The following LRP11 variants were observed in gnomAD, a reference collection of about 807,000 sequenced individuals.
The protein encoded by LRP11 is low-density lipoprotein receptor-related protein 11.
A neutral mutation model predicts 43.1 loss-of-function variants in LRP11; 25 were observed. The observed-to-expected ratio is 0.58, with a 90% CI of 0.42 to 0.81. The LOEUF (loss-of-function observed/expected upper bound fraction) is 0.81. Among genes scored for constraint, LRP11 ranks in the 30% least tolerant of loss-of-function variants. The pLI, the probability that LRP11 is intolerant of heterozygous loss-of-function variation, is 0.00. For missense variants in LRP11, 623 were observed against 665.1 expected (o/e 0.94, Z 0.70); for synonymous variants, 316 against 299.4 (o/e 1.06, Z -0.57).
chr6:149,839,438 C>T (rs757800479), intron 3 of LRP11, among the ~76,000 whole-genome samples: 4 of 152,032 alleles, frequency 2.6e-5, no homozygotes, highest in Non-Finnish European at 5.9e-5. Flanking sequence ...GTGGGGGACA[C>T]GCTGGATATC....
intron 2 of LRP11, among the ~76,000 whole-genome samples, chr6:149,848,847 A>G (rs1776678918): frequency 6.6e-6 from 1 of 152,236 alleles, no homozygotes; most frequent in African/African-American, 2.4e-5. Context: ...AAGTTTATCT[A>G]TATAACAAAC....
intron 5 of LRP11, among the ~76,000 whole-genome samples, chr6:149,831,998 TG>T (rs1472174862): frequency 6.6e-6 from 1 of 152,156 alleles, no homozygotes; most frequent in African/African-American, 2.4e-5. Context: ...AACTGGCCTC[TG>T]GAAGGACGTA....
intron 5 of LRP11, among the ~76,000 whole-genome samples, chr6:149,833,002 G>A (rs887291028): frequency 1.3e-5 from 2 of 152,126 alleles, no homozygotes; most frequent in South Asian, 2.1e-4. Context: ...TAGAGACAGC[G>A]TTTCACCATG....
intron 2 of LRP11, among the ~76,000 whole-genome samples, chr6:149,851,395 CA>C (rs1204473885): frequency 6.6e-6 from 1 of 152,180 alleles, no homozygotes; most frequent in East Asian, 1.9e-4. Context: ...AAAATCCAGA[CA>C]AGGCAGGATA....
chr6:149,833,487 T>C (rs1328870071), intron 5 of LRP11, among the ~76,000 whole-genome samples: 5 of 152,176 alleles, frequency 3.3e-5, no homozygotes, highest in Non-Finnish European at 5.9e-5. Flanking sequence ...AAAATGCTCA[T>C]GAGTAAGAAA....
At chr6:149,859,812 T>TGGGGATA in intron 1 of LRP11, among the ~76,000 whole-genome samples, 1 of 152,190 alleles carries the variant, frequency 6.6e-6, no homozygotes, top group South Asian at 2.1e-4. Flanking sequence ...CCTTTCTTTG[T>TGGGGATA]GACCTCTTTA....
At chr6:149,821,614 C>T (rs924873730) in intron 6 of LRP11, among the ~76,000 whole-genome samples, 1 of 152,176 alleles carries the variant, frequency 6.6e-6, no homozygotes, top group Non-Finnish European at 1.5e-5. Context: ...GTAGAAGTAG[C>T]GAGGCTTGCA....
chr6:149,839,120 A>G (rs909056085), intron 3 of LRP11, among the ~76,000 whole-genome samples: 3 of 145,778 alleles, frequency 2.1e-5, no homozygotes, highest in East Asian at 2.0e-4. Flanking sequence ...GTCTTGAACT[A>G]CTGGACTCAA....
At chr6:149,860,893 G>A (rs1186843213) in intron 1 of LRP11, among the ~76,000 whole-genome samples, 1 of 152,140 alleles carries the variant, frequency 6.6e-6, no homozygotes, top group Non-Finnish European at 1.5e-5. Flanking sequence ...GCCAAGCCTT[G>A]TATACACTAG....
intron 4 of LRP11, among the ~76,000 whole-genome samples, chr6:149,836,943 A>T (rs568946723): frequency 6.6e-6 from 1 of 152,192 alleles, no homozygotes; most frequent in Non-Finnish European, 1.5e-5. Flanking sequence ...TCTTTCTTAC[A>T]GGGTGTTTCT....
chr6:149,855,356 T>TCCAGAAC (rs1369926695), intron 1 of LRP11, among the ~76,000 whole-genome samples: 2 of 152,262 alleles, frequency 1.3e-5, no homozygotes, highest in Middle Eastern at 3.4e-3. Flanking sequence ...CTAGAGACTT[T>TCCAGAAC]CCAGACCCCA....
At chr6:149,843,714 A>G (rs917204046) in intron 2 of LRP11, among the ~76,000 whole-genome samples, 3 of 152,054 alleles carry the variant, frequency 2.0e-5, no homozygotes, top group African/African-American at 4.8e-5. Context: ...AACAACAAAT[A>G]AAAAAAATTC....
At chr6:149,826,919 T>C (rs1452675305) in intron 5 of LRP11, among the ~76,000 whole-genome samples, 19 of 152,064 alleles carry the variant, frequency 1.2e-4, no homozygotes, top group Admixed American at 1.2e-3. Context: ...TTTAATGATA[T>C]ATTACTTAAC....
chr6:149,836,141 T>A lies in LRP11; in HGVS notation c.1196A>T (p.Lys399Met), dbSNP rs986469370. 1 of 1,614,128 alleles carries A rather than the reference T, an allele frequency of 6.2e-7. No homozygotes were observed. The highest frequency in any genetic ancestry group is 8.5e-7 in the Non-Finnish European group (1 of 1,180,012). Residue 399 changes from lysine (K) to methionine (M), a missense_variant, in exon 5 of 7, where the codon AAG becomes ATG. Physicochemically the swap from Lys to Met is moderately conservative, Grantham distance 95. Transcript: ENST00000239367. ...NKPPALSNTE[K>M]RNHSAFWGPE... is the part of the protein sequence containing the mutation. ...TCCCCAAAAGGCGGAATGATTCCTC[T>A]TCTCTGTGTTTGATAATGCAGGTGG...
At chr6:149,846,512 G>A (rs1442365162) in intron 2 of LRP11, among the ~76,000 whole-genome samples, 1 of 152,230 alleles carries the variant, frequency 6.6e-6, no homozygotes, top group Admixed American at 6.5e-5. Context: ...GCCATGGTAT[G>A]TGAGTGGAGG....
At chr6:149,829,000 A>G (rs1435336436) in intron 5 of LRP11, among the ~76,000 whole-genome samples, 4 of 152,204 alleles carry the variant, frequency 2.6e-5, no homozygotes, top group Non-Finnish European at 5.9e-5. Context: ...CTGTAGAGAT[A>G]TAAATCAGTG....
intron 5 of LRP11, among the ~76,000 whole-genome samples, chr6:149,834,679 G>C (rs989581647): frequency 7.9e-5 from 12 of 152,130 alleles, no homozygotes; most frequent in African/African-American, 2.7e-4. Flanking sequence ...ACATCCAAAG[G>C]CTTGCATGTA....
Position 149,836,540 on chromosome 6 carries a change from C to T in LRP11, c.1040-243G>A, listed in dbSNP as rs1006607088. On this transcript the variant is annotated intron_variant, in intron 4 of 6. Transcript: ENST00000239367. ...ATAAAGAAATGGACGGGGCCCAGCA[C>T]GGTGGCTCATGCCTGTAATCCTAGC... Among the ~76,000 whole-genome samples the T allele has an allele frequency of 3.3e-5, 5 of 152,282 alleles. 1 individual carries two copies. In the South Asian group the frequency reaches 6.2e-4, roughly 19 times the overall value.
In LRP11 at chr6:149,863,553, G is replaced by T. The variant is rs1297569874; in HGVS notation, c.468C>A (p.Ala156=). 2 of 1,373,982 alleles carry T rather than the reference G, an allele frequency of 1.5e-6. No homozygotes were observed. Among genetic ancestry groups the T allele is most frequent in the Non-Finnish European group, 1.9e-6 (2 of 1,071,254 alleles). The allele number at this position is 1,373,982 out of a possible 1,614,324, so 85.1% of individuals were successfully genotyped here. ...AGTTGAAGAGGTAGCAGCCGAGCAC[G>T]GCTGCCGGGGGCGCGGGGCGCCGGG... The part of the protein sequence containing the change: ...ELPRRPAPPA[A]VLGCYLFNCT... Residue 156 remains alanine (A), a synonymous_variant, in exon 1 of 7, where the codon GCC becomes GCA. Coordinates refer to ENST00000239367, the MANE Select transcript of LRP11 (RefSeq NM_032832.6).
Sources: allele counts gnomAD v4.1 joint callset (sites outside exome capture counted in the v4.1 genomes callset), GRCh38; gene constraint gnomAD v4.1.1; transcripts MANE v1.5; gene names NCBI Gene and HGNC (gene_info 2026-07-23, HGNC 2026-07-21).